ULK4: variants seen among roughly 807,000 people sequenced by gnomAD.
ULK4 encodes the protein unc-51 like kinase 4, also known as inactive serine/threonine-protein kinase ULK4.
ULK4 carries 133 observed loss-of-function variants against 160.6 expected under a neutral mutation model. The ratio of observed to expected loss-of-function variants is 0.83; its 90% CI spans 0.72 to 0.96. The LOEUF is 0.96. Ranked by LOEUF, ULK4 falls within the 40% of genes least tolerant of loss-of-function variation. ULK4 has a pLI of 0.00. For missense variants in ULK4, 1,580 were observed against 1,499.5 expected (o/e 1.05, Z -0.89); for synonymous variants, 534 against 539.8 (o/e 0.99, Z 0.15).
chr3:41,938,647 A>C (rs1440190687), intron 2 of ULK4, among the ~76,000 whole-genome samples: 1 of 152,148 alleles, frequency 6.6e-6, no homozygotes, highest in African/African-American at 2.4e-5. Context: ...GCGCCACTGC[A>C]CTCCAGCCTG....
intron 17 of ULK4, among the ~76,000 whole-genome samples, chr3:41,883,556 G>A (rs1697599668): frequency 6.6e-6 from 1 of 152,150 alleles, no homozygotes; most frequent in African/African-American, 2.4e-5. Flanking sequence ...GCTTTAACTA[G>A]GAAATACATT....
chr3:41,454,971 A>C (rs2083511021), intron 34 of ULK4, among the ~76,000 whole-genome samples: 1 of 152,164 alleles, frequency 6.6e-6, no homozygotes, highest in African/African-American at 2.4e-5. Context: ...TGCTAGGCTA[A>C]AACTGTTTAA....
chr3:41,655,709 T>C (rs1229465893), intron 30 of ULK4, among the ~76,000 whole-genome samples: 1 of 152,148 alleles, frequency 6.6e-6, no homozygotes, highest in East Asian at 1.9e-4. Context: ...ATTTATTACA[T>C]AGCTACATAG....
chr3:41,807,266 G>C (rs374692056), intron 19 of ULK4, among the ~76,000 whole-genome samples: 1 of 151,936 alleles, frequency 6.6e-6, no homozygotes, highest in Non-Finnish European at 1.5e-5. Flanking sequence ...TATATGTAAA[G>C]GAAGGGCAAA....
intron 31 of ULK4, among the ~76,000 whole-genome samples, chr3:41,575,313 G>A (rs1157737449): frequency 1.3e-5 from 2 of 152,210 alleles, no homozygotes; most frequent in African/African-American, 4.8e-5. Flanking sequence ...TGGGGTAACT[G>A]CCCCTGGGCA....
chr3:41,543,624 A>G (rs138301320), intron 32 of ULK4, among the ~76,000 whole-genome samples: 1 of 151,976 alleles, frequency 6.6e-6, no homozygotes, highest in Admixed American at 6.6e-5. Flanking sequence ...CATTTTTTCT[A>G]TTTCTTATTC....
chr3:41,478,849 G>A (rs891785079), intron 32 of ULK4, among the ~76,000 whole-genome samples: 1 of 152,188 alleles, frequency 6.6e-6, no homozygotes, highest in Non-Finnish European at 1.5e-5. Context: ...AAGATACAAT[G>A]TTACTTATGA....
At chr3:41,630,396 G>T (rs991490723) in intron 30 of ULK4, among the ~76,000 whole-genome samples, 1 of 152,078 alleles carries the variant, frequency 6.6e-6, no homozygotes, top group Non-Finnish European at 1.5e-5. Flanking sequence ...CTCTCAGCTC[G>T]TAGAGCCACA....
chr3:41,788,183 T>C (rs2040050306), intron 21 of ULK4, among the ~76,000 whole-genome samples: 1 of 152,240 alleles, frequency 6.6e-6, no homozygotes, highest in Non-Finnish European at 1.5e-5. Context: ...TTTACCTCTA[T>C]TTGGACTTCC....
chr3:41,284,303 G>C (rs1038892693), intron 35 of ULK4, among the ~76,000 whole-genome samples: 4 of 152,086 alleles, frequency 2.6e-5, no homozygotes, highest in African/African-American at 4.8e-5. Flanking sequence ...ATTAAGCAAA[G>C]AGAACAAATG....
At chr3:41,506,764 T>TAAAAAAAAAAA (rs200785051) in intron 32 of ULK4, among the ~76,000 whole-genome samples, 1,191 of 19,836 alleles carry the variant, frequency 0.06, 188 homozygotes, top group South Asian at 0.086. Context: ...GAGTGTGATT[T>TAAAAAAAAAAA]AAAATATATA....
chr3:41,746,672 C>G lies in ULK4; in HGVS notation c.2321+7689G>C, dbSNP rs565011257. Among the ~76,000 whole-genome samples, 44 of 151,858 alleles carry G rather than the reference C, an allele frequency of 2.9e-4. No homozygotes were observed. The South Asian group carries it at 9.1e-3, about 31-fold the overall frequency. The stretch of plus-strand genomic sequence containing the variant: ...ATGGAAAAGCATATAGGTCCCAGAA[C>G]AGCTAAAACAATCTTGACAAAAAAG... On this transcript the variant is annotated intron_variant, in intron 22 of 36. Coordinates refer to ENST00000301831, the MANE Select transcript of ULK4 (RefSeq NM_017886.4).
intron 22 of ULK4, among the ~76,000 whole-genome samples, chr3:41,753,144 T>C (rs1438851428): frequency 6.6e-6 from 1 of 152,102 alleles, no homozygotes. Context: ...GGGCCTGGTG[T>C]GGGGATCGAG....
At chr3:41,433,281 C>G (rs2082955596) in intron 34 of ULK4, among the ~76,000 whole-genome samples, 1 of 152,112 alleles carries the variant, frequency 6.6e-6, no homozygotes, top group Non-Finnish European at 1.5e-5. Context: ...TGCAAAACAT[C>G]AAAGACCTAT....
chr3:41,646,328 T>C (rs1300211939), intron 30 of ULK4, among the ~76,000 whole-genome samples: 2 of 152,228 alleles, frequency 1.3e-5, no homozygotes, highest in East Asian at 3.8e-4. Context: ...CAGCGACTGG[T>C]ACTGGTTGTT....
intron 30 of ULK4, among the ~76,000 whole-genome samples, chr3:41,659,025 C>G (rs1056024447): frequency 4.6e-5 from 7 of 152,198 alleles, no homozygotes; most frequent in African/African-American, 1.4e-4. Flanking sequence ...AATTGTGTAC[C>G]ATTTTCAAAA....
At chr3:41,679,896 G>C (rs28735963) in intron 29 of ULK4, among the ~76,000 whole-genome samples, 1 of 151,750 alleles carries the variant, frequency 6.6e-6, no homozygotes, top group Non-Finnish European at 1.5e-5. Context: ...TTTTTTTCTT[G>C]AGAGACAGAG....
At chr3:41,428,241 C>T (rs980859169) in intron 34 of ULK4, among the ~76,000 whole-genome samples, 22 of 152,092 alleles carry the variant, frequency 1.4e-4, no homozygotes, top group African/African-American at 5.3e-4. Flanking sequence ...AGGAGAACTA[C>T]AAACCACTGC....
intron 35 of ULK4, among the ~76,000 whole-genome samples, chr3:41,256,795 G>A (rs1366128290): frequency 1.3e-5 from 2 of 152,166 alleles, no homozygotes; most frequent in Non-Finnish European, 2.9e-5. Context: ...CATAGACTTG[G>A]AGAAAATATT....
Sources: allele counts gnomAD v4.1 joint callset (sites outside exome capture counted in the v4.1 genomes callset), GRCh38; gene constraint gnomAD v4.1.1; transcripts MANE v1.5; gene names NCBI Gene and HGNC (gene_info 2026-07-23, HGNC 2026-07-21).